NEBL: variants seen among roughly 807,000 people sequenced by gnomAD.
NEBL encodes LIM and SH3 protein 2.
NEBL carries 122 observed loss-of-function variants against 140.2 expected under a neutral mutation model. That is an observed-to-expected ratio of 0.87 (90% confidence interval 0.75 to 1.01). The LOEUF (loss-of-function observed/expected upper bound fraction) is 1.01. NEBL is among the 50% of genes least tolerant of loss of function. NEBL has a pLI of 0.00. For missense variants in NEBL, 1,365 were observed against 1,231.3 expected (o/e 1.11, Z -1.62); for synonymous variants, 436 against 398.9 (o/e 1.09, Z -1.11).
chr10:20,998,852 C>T (rs1488226677), intron 3 of NEBL, among the ~76,000 whole-genome samples: 1 of 152,152 alleles, frequency 6.6e-6, no homozygotes, highest in East Asian at 1.9e-4. Flanking sequence ...TATGGACTAA[C>T]TTCTGTCAGT....
chr10:20,793,899 C>T (rs765641772), intron 26 of NEBL, among the ~76,000 whole-genome samples: 2 of 152,138 alleles, frequency 1.3e-5, no homozygotes, highest in Admixed American at 6.5e-5. Flanking sequence ...GCGGACCTAC[C>T]GAACTGGCGG....
At chr10:21,152,678 C>T (rs918725613) in intron 2 of NEBL, among the ~76,000 whole-genome samples, 1 of 152,014 alleles carries the variant, frequency 6.6e-6, no homozygotes, top group Non-Finnish European at 1.5e-5. Context: ...AATTGTACAT[C>T]AAGTAATATT....
intron 2 of NEBL, among the ~76,000 whole-genome samples, chr10:21,171,164 C>G (rs1194101122): frequency 6.6e-6 from 1 of 151,856 alleles, no homozygotes; most frequent in Admixed American, 6.6e-5. Context: ...GGAGAAACCC[C>G]GTCTCTACTA....
intron 3 of NEBL, among the ~76,000 whole-genome samples, chr10:21,015,738 C>A (rs1398672029): frequency 6.6e-6 from 1 of 152,150 alleles, no homozygotes; most frequent in African/African-American, 2.4e-5. Context: ...ATGTCAAACT[C>A]CTAGCCTCAA....
At chr10:21,236,551 G>A (rs770630468) in intron 3 of NEBL, among the ~76,000 whole-genome samples, 3 of 151,998 alleles carry the variant, frequency 2.0e-5, no homozygotes, top group Non-Finnish European at 4.4e-5. Context: ...GTTTTGCCAT[G>A]TTGGCCAGGC....
At position 20,814,072 on chromosome 10, in the gene NEBL, A is replaced by G. The variant is rs1473753312; in HGVS notation, c.2242-29T>C. The G allele has an allele frequency of 2.2e-6, 3 of 1,339,916 alleles. No individual in the cohort carries two copies. In the Admixed American group the frequency reaches 5.0e-5, roughly 22 times the overall value. 83.0% of individuals were successfully genotyped at this position (1,339,916 alleles called of 1,614,324 possible). Reference sequence around the variant, plus strand: ...CAAAGTAAATAGTAGGCATAAGACAATGATAAGAAAACACATGATGTAACA... The same window carrying G: ...CAAAGTAAATAGTAGGCATAAGACAGTGATAAGAAAACACATGATGTAACA... On this transcript the variant is annotated intron_variant, in intron 22 of 27. Transcript: ENST00000377122.
intron 2 of NEBL, chr10:21,112,673 A>C (rs1838079826): frequency 6.6e-6 from 1 of 152,548 alleles, no homozygotes; most frequent in Non-Finnish European, 1.5e-5. Context: ...ACCAACAAAC[A>C]TGGCACATGT....
rs147622517 is a variant in NEBL at position 20,888,199 on chromosome 10, G to A, written c.267C>T (p.Tyr89=). 1.3e-6 allele frequency: 2 copies of A among 1,598,110 alleles called. No individual in the cohort carries two copies. The highest frequency in any genetic ancestry group is 2.8e-5 in the African/African-American group (2 of 71,964). Residue 89 remains tyrosine (Y), a synonymous_variant, in exon 4 of 28, where the codon TAC becomes TAT. Transcript: ENST00000377122. ...AAAGGTCAGCTTTAATGGTGCCTTTGTATTTTGCCTGGGGGAAAAAAAAAC... is the reference window on the plus strand; with the variant it reads ...AAAGGTCAGCTTTAATGGTGCCTTTATATTTTGCCTGGGGGAAAAAAAAAC... ...NIGAFISEAK[Y]KGTIKADLSN...
intron 4 of NEBL, among the ~76,000 whole-genome samples, chr10:20,936,387 T>C (rs1488015820): frequency 6.6e-6 from 1 of 152,218 alleles, no homozygotes; most frequent in East Asian, 1.9e-4. Flanking sequence ...ATCAGCTGTT[T>C]ATGCCTAACA....
At chr10:20,789,321 C>A (rs1835714088) in intron 26 of NEBL, among the ~76,000 whole-genome samples, 1 of 152,166 alleles carries the variant, frequency 6.6e-6, no homozygotes, top group Admixed American at 6.5e-5. Context: ...CATTGTTACA[C>A]CATTTAACTG....
Position 20,784,052 on chromosome 10 carries a change from C to T in NEBL, c.*1695G>A, listed in dbSNP as rs1238711133. 6.6e-6 allele frequency: 1 copy of T among 152,162 alleles called. No individual in the cohort carries two copies. Among genetic ancestry groups the T allele is most frequent in the African/African-American group, 2.4e-5 (1 of 41,436 alleles). 9.4% of individuals were successfully genotyped at this position (152,162 alleles called of 1,614,324 possible). ...CTTTTCTAAAGTGGAAATAAATTAG[C>T]TTTGGCCTTTGGACTAGTAAACGTT... is the stretch of plus-strand genomic sequence containing the variant. On this transcript the variant is annotated 3_prime_UTR_variant, in exon 28 of 28. Transcript: ENST00000377122.
intron 2 of NEBL, among the ~76,000 whole-genome samples, chr10:21,167,809 C>G (rs955476291): frequency 6.6e-6 from 1 of 152,118 alleles, no homozygotes; most frequent in African/African-American, 2.4e-5. Context: ...GTTATTTTCT[C>G]GGCACCTCTT....
At chr10:20,885,038 C>A (rs1215356049) in intron 4 of NEBL, among the ~76,000 whole-genome samples, 2 of 152,042 alleles carry the variant, frequency 1.3e-5, no homozygotes, top group African/African-American at 4.8e-5. Flanking sequence ...ATTTAAGCAT[C>A]TGAGAGTGTT....
At chr10:21,029,873 A>G (rs976488551) in intron 2 of NEBL, 1 of 667,192 alleles carries the variant, frequency 1.5e-6, no homozygotes, top group Non-Finnish European at 2.8e-6. Context: ...GACAATGACT[A>G]CAGAGGAGGC....
At chr10:21,126,260 C>T in intron 2 of NEBL, 1 of 814,838 alleles carries the variant, frequency 1.2e-6, no homozygotes, top group Non-Finnish European at 1.9e-6. Flanking sequence ...AAATCAGGGA[C>T]TTCTTTTGTA....
At chr10:21,060,964 G>C (rs1483738231) in intron 2 of NEBL, among the ~76,000 whole-genome samples, 2 of 151,992 alleles carry the variant, frequency 1.3e-5, no homozygotes, top group Non-Finnish European at 2.9e-5. Context: ...TGGCTATTAA[G>C]GGTTGAACTG....
upstream of NEBL, among the ~76,000 whole-genome samples, chr10:21,175,992 C>CTT (rs960209478): frequency 3.4e-5 from 5 of 145,538 alleles, no homozygotes; most frequent in East Asian, 2.0e-4. Flanking sequence ...TATGTTTAAT[C>CTT]TTTTTTTTTT....
At chr10:21,010,411 A>AT (rs1402814218) in intron 3 of NEBL, among the ~76,000 whole-genome samples, 8 of 141,968 alleles carry the variant, frequency 5.6e-5, no homozygotes, top group African/African-American at 2.3e-4. Flanking sequence ...TGCCCAGCGA[A>AT]TTTTTTAATT....
rs183328178 is a variant in NEBL at position 20,823,176 on chromosome 10, A to T, written c.1962+32T>A. On this transcript the variant is annotated intron_variant, in intron 19 of 27. Coordinates refer to ENST00000377122, the MANE Select transcript of NEBL (RefSeq NM_006393.3). ...TCATTACGTGTTGATATACAATAAA[A>T]TTTTTAAAAAATACTTAAGAAATAT... is the stretch of plus-strand genomic sequence containing the variant. 8.7e-4 allele frequency: 1,322 copies of T among 1,521,664 alleles called. 1 individual carries two copies. Among genetic ancestry groups the T allele is most frequent in the Non-Finnish European group, 1.0e-3 (1,124 of 1,106,470 alleles). 94.3% of individuals were successfully genotyped at this position (1,521,664 alleles called of 1,614,324 possible).
Sources: allele counts gnomAD v4.1 joint callset (sites outside exome capture counted in the v4.1 genomes callset), GRCh38; gene constraint gnomAD v4.1.1; transcripts MANE v1.5; gene names NCBI Gene and HGNC (gene_info 2026-07-23, HGNC 2026-07-21).